PHEX: variants seen among roughly 807,000 people sequenced by gnomAD.
The protein encoded by PHEX is phosphate-regulating neutral endopeptidase PHEX.
A neutral mutation model predicts 68.0 loss-of-function variants in PHEX; 16 were observed. That is an observed-to-expected ratio of 0.24 (90% CI 0.16 to 0.36). PHEX has a LOEUF of 0.36. Among genes scored for constraint, PHEX ranks in the 10% least tolerant of loss-of-function variants. The pLI is 1.00. For missense variants in PHEX, 480 were observed against 575.5 expected (o/e 0.83, Z 1.70); for synonymous variants, 208 against 205.1 (o/e 1.01, Z -0.12).
chrX:22,212,666 G>A (rs1934966646), intron 15 of PHEX, among the ~76,000 whole-genome samples: 1 of 111,474 alleles, frequency 9.0e-6, no homozygotes, highest in Non-Finnish European at 1.9e-5. Context: ...ACAGCAGGCT[G>A]GATATTGCCA....
At chrX:22,239,190 A>T (rs1420351302) in intron 20 of PHEX, among the ~76,000 whole-genome samples, 1 of 111,934 alleles carries the variant, frequency 8.9e-6, no homozygotes, top group Admixed American at 9.5e-5. Flanking sequence ...TAGTAGCAAC[A>T]TCAACAAAAA....
At chrX:22,163,892 A>G (rs1933223006) in intron 12 of PHEX, among the ~76,000 whole-genome samples, 1 of 111,991 alleles carries the variant, frequency 8.9e-6, no homozygotes, top group Admixed American at 9.5e-5. Flanking sequence ...TTCTAAGTAT[A>G]TCAACCAGCA....
chrX:22,109,316 A>G (rs2301311), intron 9 of PHEX, among the ~76,000 whole-genome samples: 26,012 of 111,822 alleles, frequency 0.23, 2,180 homozygotes, highest in East Asian at 0.3. Context: ...CAAATCCTAT[A>G]TGGACACTGT....
chrX:22,123,895 G>A (rs556801922), intron 11 of PHEX, among the ~76,000 whole-genome samples: 5 of 105,099 alleles, frequency 4.8e-5, no homozygotes, highest in African/African-American at 1.1e-4. Context: ...GCAGTGGTGC[G>A]ATCTTGGCTC....
intron 20 of PHEX, among the ~76,000 whole-genome samples, chrX:22,231,369 T>G (rs191415918): frequency 2.1e-4 from 23 of 112,160 alleles, no homozygotes; most frequent in Admixed American, 1.4e-3. Flanking sequence ...TTTGTACCTC[T>G]GGTAGAATTC....
At chrX:22,171,121 T>C (rs1933509082) in intron 13 of PHEX, 1 of 111,801 alleles carries the variant, frequency 8.9e-6, no homozygotes, top group Non-Finnish European at 1.9e-5. Context: ...TACCCGAGAC[T>C]GGATAATTTA....
chrX:22,175,493 G>A (rs1413065016), intron 13 of PHEX, among the ~76,000 whole-genome samples: 1 of 111,415 alleles, frequency 9.0e-6, no homozygotes, highest in Non-Finnish European at 1.9e-5. Context: ...TGGGATTACA[G>A]GCATGTGCCA....
chrX:22,058,112 C>T (rs1368898686), intron 3 of PHEX, among the ~76,000 whole-genome samples: 2 of 111,200 alleles, frequency 1.8e-5, no homozygotes, highest in Non-Finnish European at 3.8e-5. Flanking sequence ...TCTAAGACTC[C>T]CTGTTGGTGG....
intron 12 of PHEX, among the ~76,000 whole-genome samples, chrX:22,141,072 T>TCTCAAAGTGTGGTC (rs1352299579): frequency 8.1e-5 from 9 of 110,692 alleles, no homozygotes; most frequent in Middle Eastern, 4.7e-3. Context: ...TGCCAGTGGG[T>TCTCAAAGTGTGGTC]CTCAAAGTGT....
intron 3 of PHEX, among the ~76,000 whole-genome samples, chrX:22,049,664 G>A (rs924325857): frequency 1.6e-4 from 17 of 109,231 alleles, no homozygotes; most frequent in East Asian, 5.9e-4. Context: ...CTGAGGTCAC[G>A]AGTTCAAGAC....
intron 15 of PHEX, among the ~76,000 whole-genome samples, chrX:22,192,833 C>T (rs1486592896): frequency 9.0e-6 from 1 of 111,705 alleles, no homozygotes; most frequent in Admixed American, 9.6e-5. Flanking sequence ...AGAGGACAGC[C>T]GGAAGGCTGT....
At position 22,032,752 on chromosome X, in the gene PHEX, A is replaced by G. The variant is rs770448887; in HGVS notation, c.-254A>G. The G allele has an allele frequency of 3.4e-5, 13 of 381,860 alleles. No homozygotes were observed. Among genetic ancestry groups the G allele is most frequent in the Non-Finnish European group, 5.5e-5 (12 of 217,440 alleles). The allele number at this position is 381,860 out of a possible 1,213,427, so 31.5% of individuals were successfully genotyped here. On this transcript the variant is annotated 5_prime_UTR_variant, in exon 1 of 22. Coordinates refer to ENST00000379374, the MANE Select transcript of PHEX (RefSeq NM_000444.6). ...GGGACTTTGCTGAGGGAGAGCACCAAGATAAAGCAACACTGTTTGTTTTGT... is the reference window on the plus strand; with the variant it reads ...GGGACTTTGCTGAGGGAGAGCACCAGGATAAAGCAACACTGTTTGTTTTGT...
In PHEX at chrX:22,219,019, A is replaced by G. The variant is rs1466850686; in HGVS notation, c.1701-17A>G. 8.3e-6 allele frequency: 9 copies of G among 1,086,957 alleles called. No individual in the cohort carries two copies. The highest frequency in any genetic ancestry group is 1.2e-5 in the Non-Finnish European group (9 of 781,883). 89.6% of individuals were successfully genotyped at this position (1,086,957 alleles called of 1,213,427 possible). A position where few individuals can be genotyped will look rare whatever the true frequency, so the allele number is the denominator to read the frequency against. On this transcript the variant is annotated splice_polypyrimidine_tract_variant and intron_variant, in intron 16 of 21. Coordinates refer to ENST00000379374, the MANE Select transcript of PHEX (RefSeq NM_000444.6). ...TCATGCTTGTAATTGTCTCCAAATT[A>G]TGTATTAATGCCATAGATCTCTGAG... is the stretch of plus-strand genomic sequence containing the variant.
intron 12 of PHEX, among the ~76,000 whole-genome samples, chrX:22,142,201 A>G (rs1038284648): frequency 2.7e-5 from 3 of 111,958 alleles, no homozygotes; most frequent in African/African-American, 6.5e-5. Context: ...GCAGTGAGCC[A>G]AGATTACGCC....
chrX:22,114,317 C>A (rs764044909), intron 10 of PHEX, 141 bp from the exon 11 acceptor site: 2 of 554,844 alleles, frequency 3.6e-6, no homozygotes, highest in East Asian at 3.4e-5. Context: ...ACTATTTTAC[C>A]TTTGCCTCTA....
At chrX:22,210,275 G>A (rs945801190) in intron 15 of PHEX, among the ~76,000 whole-genome samples, 13 of 112,047 alleles carry the variant, frequency 1.2e-4, no homozygotes, top group Admixed American at 1.9e-4. Context: ...AGATACAGCT[G>A]AACAGAGTGA....
chrX:22,182,765 C>T (rs1933919481), intron 14 of PHEX, among the ~76,000 whole-genome samples: 1 of 111,329 alleles, frequency 9.0e-6, no homozygotes, highest in Non-Finnish European at 1.9e-5. Flanking sequence ...GTTGAGTCTA[C>T]CCACTGGGGC....
At chrX:22,225,162 CGGT>C (rs1198959639) in intron 18 of PHEX, among the ~76,000 whole-genome samples, 2 of 107,482 alleles carry the variant, frequency 1.9e-5, no homozygotes, top group African/African-American at 6.8e-5. Context: ...CAGCACTGGC[CGGT>C]GGAGTCTTCT....
At chrX:22,083,334 G>A (rs751597102) in intron 5 of PHEX, among the ~76,000 whole-genome samples, 5 of 111,940 alleles carry the variant, frequency 4.5e-5, no homozygotes, top group Admixed American at 9.5e-5. Context: ...GCCCAGGATC[G>A]CTTTGGCTAT....
Sources: gnomAD v4.1 joint callset for allele counts (sites outside exome capture counted in the v4.1 genomes callset) on GRCh38, gnomAD v4.1.1 for gene constraint, MANE v1.5 for transcripts, NCBI Gene and HGNC (gene_info 2026-07-23, HGNC 2026-07-21) for gene names.